The following GALNTL6 variants were observed in gnomAD, a reference collection of about 807,000 sequenced individuals.
The protein encoded by GALNTL6 is polypeptide N-acetylgalactosaminyltransferase like 6.
A neutral mutation model predicts 73.7 loss-of-function variants in GALNTL6; 46 were observed. That is an observed-to-expected ratio of 0.62 (90% confidence interval 0.49 to 0.80). GALNTL6 has a LOEUF of 0.80. GALNTL6 is among the 30% of genes least tolerant of loss of function. The probability of loss-of-function intolerance (pLI) is 0.00; values close to 1 mark genes in which losing one functional copy is unlikely to be tolerated. For synonymous variants in GALNTL6, 259 were observed against 263.7 expected, an observed-to-expected ratio of 0.98 and a Z score of 0.17; for missense variants, 604 against 755.0, an observed-to-expected ratio of 0.80 and a Z score of 2.34.
At chr4:172,017,430 T>C (rs764771348) in intron 2 of GALNTL6, among the ~76,000 whole-genome samples, 18 of 152,164 alleles carry the variant, frequency 1.2e-4, no homozygotes, top group Middle Eastern at 3.4e-3. Flanking sequence ...CACCCTGGAT[T>C]TTTCCAGAAA....
intron 5 of GALNTL6, among the ~76,000 whole-genome samples, chr4:172,603,919 C>T (rs1330373965): frequency 6.6e-6 from 1 of 152,164 alleles, no homozygotes; most frequent in Non-Finnish European, 1.5e-5. Context: ...GCTAGTTTTT[C>T]TGTGTTCCAC....
In GALNTL6 at chr4:172,313,549, T is replaced by A. The variant is rs560417875; in HGVS notation, c.386+1797T>A. 4.6e-5 allele frequency among the ~76,000 whole-genome samples: 7 copies of A among 152,304 alleles called. No individual in the cohort carries two copies. In the East Asian group the frequency reaches 1.2e-3, roughly 25 times the overall value. On this transcript the variant is annotated intron_variant, in intron 4 of 12. Coordinates refer to ENST00000506823, the MANE Select transcript of GALNTL6 (RefSeq NM_001034845.3). ...AGTTATTCCCATTCTTCTCAAAAAC[T>A]ATTTTTAGTGTGAACACCATCTTTT...
intron 8 of GALNTL6, among the ~76,000 whole-genome samples, chr4:172,909,695 A>G: frequency 6.6e-6 from 1 of 152,148 alleles, no homozygotes; most frequent in East Asian, 1.9e-4. Context: ...TAAAAGTGGT[A>G]CAACCTCTAG....
At chr4:172,946,166 A>C (rs2126325843) in intron 9 of GALNTL6, among the ~76,000 whole-genome samples, 1 of 151,770 alleles carries the variant, frequency 6.6e-6, no homozygotes, top group East Asian at 1.9e-4. Context: ...AAGAGGATTC[A>C]CTATAACACA....
chr4:171,903,744 G>A (rs9685877), intron 2 of GALNTL6, among the ~76,000 whole-genome samples: 43,179 of 151,428 alleles, frequency 0.29, 7,051 homozygotes, highest in African/African-American at 0.45. Flanking sequence ...AAATGTCCCC[G>A]TCTGACAGCT....
At chr4:172,469,454 A>AT (rs1732963613) in intron 5 of GALNTL6, among the ~76,000 whole-genome samples, 1 of 151,822 alleles carries the variant, frequency 6.6e-6, no homozygotes, top group East Asian at 1.9e-4. Flanking sequence ...AAAAATAAAA[A>AT]AAAAAAATAG....
intron 3 of GALNTL6, among the ~76,000 whole-genome samples, chr4:172,254,407 C>G (rs1295071144): frequency 6.6e-6 from 1 of 151,718 alleles, no homozygotes; most frequent in Non-Finnish European, 1.5e-5. Context: ...AGTCGTTTTG[C>G]TTTGTTTTCT....
chr4:172,304,368 G>A (rs1561016157), intron 3 of GALNTL6, among the ~76,000 whole-genome samples: 1 of 151,642 alleles, frequency 6.6e-6, no homozygotes, highest in Non-Finnish European at 1.5e-5. Context: ...ATCCCAATGG[G>A]AACATTAGTC....
At chr4:172,623,640 A>G (rs577719983) in intron 5 of GALNTL6, among the ~76,000 whole-genome samples, 6 of 152,222 alleles carry the variant, frequency 3.9e-5, no homozygotes, top group South Asian at 2.1e-4. Flanking sequence ...TTTCTTTTCT[A>G]TGGAAAAACT....
intron 8 of GALNTL6, among the ~76,000 whole-genome samples, chr4:172,901,516 C>T (rs994014390): frequency 6.6e-6 from 1 of 151,956 alleles, no homozygotes; most frequent in Non-Finnish European, 1.5e-5. Flanking sequence ...GTTTACTAGC[C>T]GATTTTAGGC....
chr4:172,605,851 A>G (rs1393731161), intron 5 of GALNTL6, among the ~76,000 whole-genome samples: 1 of 152,126 alleles, frequency 6.6e-6, no homozygotes, highest in Non-Finnish European at 1.5e-5. Flanking sequence ...TAAGTGAAAA[A>G]AAAAGCTCTC....
chr4:171,872,747 C>T (rs1013377855), intron 2 of GALNTL6, among the ~76,000 whole-genome samples: 1 of 152,148 alleles, frequency 6.6e-6, no homozygotes, highest in Non-Finnish European at 1.5e-5. Flanking sequence ...GAACACCAGT[C>T]ATATTGAATT....
At position 172,430,462 on chromosome 4, in the gene GALNTL6, A is replaced by T. The variant is rs540829292; in HGVS notation, c.553+81773A>T. Among the ~76,000 whole-genome samples, 5 of 152,300 alleles carry T rather than the reference A, an allele frequency of 3.3e-5. No homozygotes were observed. In the South Asian group the frequency reaches 1.0e-3, roughly 32 times the overall value. ...AGAAACAGAGCGTTTCAGTAGTGATATGATTCCCAGAAGGATAAGAAGTGA... is the reference window on the plus strand; with the variant it reads ...AGAAACAGAGCGTTTCAGTAGTGATTTGATTCCCAGAAGGATAAGAAGTGA... On this transcript the variant is annotated intron_variant, in intron 5 of 12. Coordinates refer to ENST00000506823, the MANE Select transcript of GALNTL6 (RefSeq NM_001034845.3).
intron 2 of GALNTL6, among the ~76,000 whole-genome samples, chr4:171,962,428 G>A (rs1462880897): frequency 6.6e-6 from 1 of 152,104 alleles, no homozygotes; most frequent in African/African-American, 2.4e-5. Context: ...AAACCCAGAT[G>A]GCAATGAAAG....
At chr4:172,544,396 C>G (rs748308926) in intron 5 of GALNTL6, among the ~76,000 whole-genome samples, 7 of 152,138 alleles carry the variant, frequency 4.6e-5, no homozygotes, top group Non-Finnish European at 1.0e-4. Context: ...TTGACTCTCC[C>G]AATCCAAACT....
intron 2 of GALNTL6, among the ~76,000 whole-genome samples, chr4:172,228,856 G>T (rs17058160): frequency 0.38 from 58,210 of 152,032 alleles, 11,306 homozygotes; most frequent in Non-Finnish European, 0.41. Flanking sequence ...AATGTACACA[G>T]AAATAATTTT....
chr4:172,446,394 T>C (rs1453497654), intron 5 of GALNTL6, among the ~76,000 whole-genome samples: 6 of 152,142 alleles, frequency 3.9e-5, no homozygotes, highest in Admixed American at 6.6e-5. Flanking sequence ...CAAGAGGCAT[T>C]TGAAACTGAC....
At chr4:172,594,944 G>A (rs75004613) in intron 5 of GALNTL6, among the ~76,000 whole-genome samples, 4,663 of 152,220 alleles carry the variant, frequency 0.031, 110 homozygotes, top group South Asian at 0.086. Context: ...CATTTTTAGA[G>A]GTTAAGAATA....
chr4:172,518,383 AAGG>A (rs1734674402), intron 5 of GALNTL6, among the ~76,000 whole-genome samples: 2 of 151,930 alleles, frequency 1.3e-5, no homozygotes, highest in South Asian at 4.1e-4. Context: ...TATTGTTTTT[AAGG>A]AGAACAGTAC....
Sources: gnomAD v4.1 joint callset for allele counts (sites outside exome capture counted in the v4.1 genomes callset) on GRCh38, gnomAD v4.1.1 for gene constraint, MANE v1.5 for transcripts, NCBI Gene and HGNC (gene_info 2026-07-23, HGNC 2026-07-21) for gene names.